Variants in MLIP observed in about 807,000 individuals in gnomAD.
The protein encoded by MLIP is muscular LMNA-interacting protein.
In MLIP, 79 loss-of-function variants were observed where a neutral mutation model predicts 84.8. The observed-to-expected ratio is 0.93, with a 90% CI of 0.78 to 1.12. The LOEUF (loss-of-function observed/expected upper bound fraction) is 1.12. Ranked by LOEUF, MLIP falls within the 50% of genes most tolerant of loss-of-function variation. The pLI is 0.00. For missense variants in MLIP, 1,257 were observed against 1,160.6 expected, an observed-to-expected ratio of 1.08 and a Z score of -1.21; for synonymous variants, 504 against 463.0, an observed-to-expected ratio of 1.09 and a Z score of -1.14.
At chr6:54,238,584 TG>T (rs1392577866) in intron 12 of MLIP, among the ~76,000 whole-genome samples, 1 of 152,196 alleles carries the variant, frequency 6.6e-6, no homozygotes, top group African/African-American at 2.4e-5. Context: ...GAGAAACACA[TG>T]GCCAGTCTGT....
intron 10 of MLIP, among the ~76,000 whole-genome samples, chr6:54,191,958 C>T (rs1649236454): frequency 6.7e-6 from 1 of 150,332 alleles, no homozygotes; most frequent in African/African-American, 2.4e-5. Flanking sequence ...TGGTTTAATC[C>T]TTTAAGAAAT....
chr6:54,130,994 G>A (rs562319348), intron 3 of MLIP, among the ~76,000 whole-genome samples: 7 of 152,144 alleles, frequency 4.6e-5, no homozygotes, highest in Non-Finnish European at 7.4e-5. Flanking sequence ...AAAGGTAAGC[G>A]ATTCAAGTGC....
intron 8 of MLIP, among the ~76,000 whole-genome samples, chr6:54,168,702 C>T (rs1042007697): frequency 1.3e-5 from 2 of 151,754 alleles, no homozygotes; most frequent in Non-Finnish European, 1.5e-5. Context: ...AGAAAAATTT[C>T]GGGCAGTACT....
intron 4 of MLIP, among the ~76,000 whole-genome samples, chr6:54,142,906 A>AAAC (rs985190427): frequency 4.2e-4 from 64 of 151,614 alleles, no homozygotes; most frequent in African/African-American, 1.5e-3. Flanking sequence ...GAAATGAAAA[A>AAAC]AACAACAACA....
At chr6:54,236,996 A>T (rs1781408656) in intron 12 of MLIP, among the ~76,000 whole-genome samples, 1 of 152,118 alleles carries the variant, frequency 6.6e-6, no homozygotes. Flanking sequence ...CACGAATTCC[A>T]TGCTCATGGA....
intron 5 of MLIP, 41 bp downstream of exon 5, chr6:54,149,168 T>C (rs1445011389): frequency 1.3e-6 from 2 of 1,533,060 alleles, no homozygotes; most frequent in Non-Finnish European, 1.8e-6. Context: ...ACATTTTTAA[T>C]GTGATTTTTA....
chr6:54,229,419 A>C (rs188196167), intron 11 of MLIP, among the ~76,000 whole-genome samples: 1 of 152,252 alleles, frequency 6.6e-6, no homozygotes, highest in African/African-American at 2.4e-5. Flanking sequence ...GGTTTATTAC[A>C]TAGGTAAACG....
intron 11 of MLIP, among the ~76,000 whole-genome samples, chr6:54,210,030 T>C (rs1412848991): frequency 1.3e-5 from 2 of 151,002 alleles, no homozygotes; most frequent in African/African-American, 4.8e-5. Flanking sequence ...GGTTTAGAAC[T>C]TAGAACTACT....
At chr6:54,061,868 T>C (rs1047233082) in intron 1 of MLIP, among the ~76,000 whole-genome samples, 4 of 152,210 alleles carry the variant, frequency 2.6e-5, no homozygotes, top group Non-Finnish European at 4.4e-5. Context: ...TTAGAAGTCC[T>C]ATTTTGGTTA....
At chr6:54,067,549 A>G (rs1342651186) in intron 1 of MLIP, among the ~76,000 whole-genome samples, 1 of 101,664 alleles carries the variant, frequency 9.8e-6, no homozygotes, top group African/African-American at 2.5e-5. Context: ...CTTTAGAATT[A>G]TCACCTTATT....
chr6:54,176,811 G>C (rs1417984234), intron 9 of MLIP, among the ~76,000 whole-genome samples: 3 of 152,014 alleles, frequency 2.0e-5, no homozygotes, highest in Admixed American at 6.6e-5. Context: ...ATACTACAAG[G>C]CTACAGGAAC....
intron 11 of MLIP, among the ~76,000 whole-genome samples, chr6:54,227,208 A>G (rs373865776): frequency 1.3e-5 from 2 of 152,114 alleles, no homozygotes; most frequent in Non-Finnish European, 2.9e-5. Context: ...CCTCCCACCC[A>G]TGCTTCTTGT....
chr6:54,075,930 C>A (rs1459775923), intron 1 of MLIP, among the ~76,000 whole-genome samples: 1 of 152,122 alleles, frequency 6.6e-6, no homozygotes, highest in African/African-American at 2.4e-5. Flanking sequence ...TAATAGAGGG[C>A]ATTGAATATG....
intron 4 of MLIP, among the ~76,000 whole-genome samples, chr6:54,145,853 A>T (rs4715446): frequency 0.38 from 56,909 of 151,270 alleles, 12,741 homozygotes; most frequent in African/African-American, 0.63. Flanking sequence ...TAGTTGAACA[A>T]CCATAAATAG....
At chr6:54,055,101 T>C (rs1765583896) in intron 1 of MLIP, among the ~76,000 whole-genome samples, 1 of 152,146 alleles carries the variant, frequency 6.6e-6, no homozygotes, top group South Asian at 2.1e-4. Flanking sequence ...GTTAGCAGGA[T>C]GGTCTTGATC....
intron 1 of MLIP, among the ~76,000 whole-genome samples, chr6:54,035,713 T>A (rs1248219833): frequency 6.6e-6 from 1 of 152,030 alleles, no homozygotes; most frequent in Non-Finnish European, 1.5e-5. Context: ...CCCTTGATTG[T>A]TAGGGTGTTG....
At chr6:54,213,734 A>AAAAAAAAAAAAAACC (rs368508685) in intron 11 of MLIP, among the ~76,000 whole-genome samples, 3 of 82,372 alleles carry the variant, frequency 3.6e-5, no homozygotes, top group Non-Finnish European at 7.1e-5. Context: ...AAAAAAAAAA[A>AAAAAAAAAAAAAACC]AACAACAAAC....
intron 9 of MLIP, among the ~76,000 whole-genome samples, chr6:54,183,096 A>G (rs1488137452): frequency 1.3e-5 from 2 of 151,952 alleles, no homozygotes; most frequent in African/African-American, 4.8e-5. Flanking sequence ...CACTATATAT[A>G]CAGATATTCA....
chr6:54,043,662 TG>T (rs1764874294), intron 1 of MLIP, among the ~76,000 whole-genome samples: 1 of 152,184 alleles, frequency 6.6e-6, no homozygotes, highest in South Asian at 2.1e-4. Context: ...AGAGATAGGA[TG>T]GGGCTTCTCT....
Sources: allele counts gnomAD v4.1 joint callset (sites outside exome capture counted in the v4.1 genomes callset), GRCh38; gene constraint gnomAD v4.1.1; transcripts MANE v1.5; gene names NCBI Gene and HGNC (gene_info 2026-07-23, HGNC 2026-07-21).